The following MDGA2 variants were observed in gnomAD, a reference collection of about 807,000 sequenced individuals.
The protein encoded by MDGA2 is MAM domain-containing glycosylphosphatidylinositol anchor protein 2.
MDGA2 carries 40 observed loss-of-function variants against 117.8 expected under a neutral mutation model. That is an observed-to-expected ratio of 0.34 (90% CI 0.26 to 0.44). The LOEUF (loss-of-function observed/expected upper bound fraction) is 0.44, where lower values mean the gene tolerates loss of function less well. Among genes scored for constraint, MDGA2 ranks in the 20% least tolerant of loss-of-function variants. The pLI is 1.00. For synonymous variants in MDGA2, 452 were observed against 439.0 expected (o/e 1.03, Z -0.37); for missense variants, 1,123 against 1,250.6 (o/e 0.90, Z 1.54).
chr14:47,160,492 C>T (rs1381917239), intron 3 of MDGA2, among the ~76,000 whole-genome samples: 2 of 152,064 alleles, frequency 1.3e-5, no homozygotes, highest in Non-Finnish European at 2.9e-5. Context: ...ATAGCGAAAC[C>T]CTGCCTCTAC....
chr14:47,378,531 T>C (rs1325711243), intron 1 of MDGA2, among the ~76,000 whole-genome samples: 1 of 152,144 alleles, frequency 6.6e-6, no homozygotes, highest in African/African-American at 2.4e-5. Flanking sequence ...AATGACCTGA[T>C]AGAGCTGAAA....
At chr14:47,080,439 T>C (rs1365942641) in intron 6 of MDGA2, among the ~76,000 whole-genome samples, 1 of 152,150 alleles carries the variant, frequency 6.6e-6, no homozygotes, top group East Asian at 1.9e-4. Flanking sequence ...TATATATGAG[T>C]TAGTTTTAAA....
At chr14:47,064,923 T>C (rs1890026093) in intron 6 of MDGA2, among the ~76,000 whole-genome samples, 1 of 151,966 alleles carries the variant, frequency 6.6e-6, no homozygotes, top group Admixed American at 6.6e-5. Flanking sequence ...ATAACAGAGG[T>C]CCAATAGACT....
At chr14:47,154,855 C>T (rs1270532460) in intron 3 of MDGA2, among the ~76,000 whole-genome samples, 6 of 152,162 alleles carry the variant, frequency 3.9e-5, no homozygotes, top group African/African-American at 1.4e-4. Context: ...TGAAATCCCA[C>T]CTTCAAACCA....
At position 47,674,733 on chromosome 14, in the gene MDGA2, C is replaced by T. The variant is rs1335912769; in HGVS notation, c.64G>A (p.Gly22Arg). The change falls in exon 1 of 17, where the codon GGA (glycine) becomes AGA (arginine). Residue 22 changes from glycine to arginine, a missense_variant. Physicochemically the swap from Gly to Arg is moderately radical, Grantham distance 125. Transcript: ENST00000399232. ...ARRRRRGRTD[G>R]RRFLLRRAVP... is the part of the protein sequence containing the mutation. ...GCTCGCCGAAGGAGGAAGCGCCGTC[C>T]GTCTGTCCTTCCCCGGCGGCGGCGG... The T allele has an allele frequency of 1.3e-5, 10 of 781,094 alleles. No individual in the cohort carries two copies. Among genetic ancestry groups the T allele is most frequent in the South Asian group, 2.9e-5 (2 of 68,612 alleles). The allele number at this position is 781,094 out of a possible 1,614,324, so 48.4% of individuals were successfully genotyped here.
chr14:47,210,648 A>G (rs1040636129), intron 3 of MDGA2, among the ~76,000 whole-genome samples: 1 of 152,152 alleles, frequency 6.6e-6, no homozygotes, highest in Non-Finnish European at 1.5e-5. Flanking sequence ...ATAAGTGGCC[A>G]TTGCTTCTTA....
chr14:46,940,625 C>CA (rs10623885), intron 9 of MDGA2, among the ~76,000 whole-genome samples: 3,067 of 139,584 alleles, frequency 0.022, 108 homozygotes, highest in African/African-American at 0.071. Flanking sequence ...GAGACTGTCT[C>CA]AAAAAAAAAA....
intron 1 of MDGA2, among the ~76,000 whole-genome samples, chr14:47,534,106 G>A (rs1895157399): frequency 6.6e-6 from 1 of 152,126 alleles, no homozygotes; most frequent in Non-Finnish European, 1.5e-5. Flanking sequence ...TCCAATGGGT[G>A]AGACATGGGG....
chr14:47,459,797 T>C (rs912863603), intron 1 of MDGA2, among the ~76,000 whole-genome samples: 20 of 152,170 alleles, frequency 1.3e-4, no homozygotes, highest in African/African-American at 4.8e-4. Flanking sequence ...CGAAATGTAC[T>C]GATTTATGTG....
In MDGA2 at chr14:47,291,422, A is replaced by G. The variant is rs143339785; in HGVS notation, c.420+9989T>C. On this transcript the variant is annotated intron_variant, in intron 2 of 16. Transcript: ENST00000399232. ...ACTAGGTAAAAAATGCCATGATGTAATCAATGCAATGGACCAGTACAGATG... is the reference window on the plus strand; with the variant it reads ...ACTAGGTAAAAAATGCCATGATGTAGTCAATGCAATGGACCAGTACAGATG... Among the ~76,000 whole-genome samples the G allele has an allele frequency of 7.2e-4, 110 of 152,276 alleles. 1 individual carries two copies. The Middle Eastern group carries it at 0.031, about 42-fold the overall frequency.
At chr14:47,495,745 T>C (rs1894269263) in intron 1 of MDGA2, among the ~76,000 whole-genome samples, 1 of 152,186 alleles carries the variant, frequency 6.6e-6, no homozygotes, top group African/African-American at 2.4e-5. Flanking sequence ...TGCATGTCTA[T>C]TGAGGATGGT....
intron 1 of MDGA2, among the ~76,000 whole-genome samples, chr14:47,625,326 T>C (rs1327813001): frequency 6.6e-6 from 1 of 152,142 alleles, no homozygotes; most frequent in African/African-American, 2.4e-5. Flanking sequence ...AAAAAGTATG[T>C]CATTTAACTT....
At chr14:47,179,641 A>G (rs542721394) in intron 3 of MDGA2, among the ~76,000 whole-genome samples, 30 of 152,092 alleles carry the variant, frequency 2.0e-4, no homozygotes, top group Non-Finnish European at 4.1e-4. Context: ...AATTATATAC[A>G]CATCACATAA....
chr14:47,100,064 C>A (rs745484820), intron 5 of MDGA2, among the ~76,000 whole-genome samples: 4 of 151,886 alleles, frequency 2.6e-5, no homozygotes, highest in Non-Finnish European at 4.4e-5. Flanking sequence ...AATATCTCTA[C>A]CATTTTGACT....
chr14:47,230,500 T>C (rs1226968487), intron 2 of MDGA2, among the ~76,000 whole-genome samples: 1 of 151,988 alleles, frequency 6.6e-6, no homozygotes, highest in Non-Finnish European at 1.5e-5. Flanking sequence ...GAGTGAAACA[T>C]CTGCCCCTCT....
intron 1 of MDGA2, among the ~76,000 whole-genome samples, chr14:47,480,117 C>T (rs1442225343): frequency 1.3e-5 from 2 of 152,040 alleles, no homozygotes; most frequent in South Asian, 2.1e-4. Context: ...TTATTTCACA[C>T]CTAAGTTTTT....
At chr14:47,438,941 C>G (rs1041797302) in intron 1 of MDGA2, among the ~76,000 whole-genome samples, 1 of 152,114 alleles carries the variant, frequency 6.6e-6, no homozygotes, top group Non-Finnish European at 1.5e-5. Flanking sequence ...TGTGCCTACT[C>G]TATCTTCGCC....
intron 1 of MDGA2, among the ~76,000 whole-genome samples, chr14:47,433,326 C>T (rs1892836082): frequency 6.6e-6 from 1 of 151,940 alleles, no homozygotes; most frequent in African/African-American, 2.4e-5. Flanking sequence ...TCTGGAAACA[C>T]TAAGTATTGA....
intron 1 of MDGA2, among the ~76,000 whole-genome samples, chr14:47,659,130 C>G (rs1210780816): frequency 6.6e-6 from 1 of 152,180 alleles, no homozygotes; most frequent in Non-Finnish European, 1.5e-5. Context: ...TATCACCCTG[C>G]TATGTCAATA....
Sources: gnomAD v4.1 joint callset for allele counts (sites outside exome capture counted in the v4.1 genomes callset) on GRCh38, gnomAD v4.1.1 for gene constraint, MANE v1.5 for transcripts, NCBI Gene and HGNC (gene_info 2026-07-23, HGNC 2026-07-21) for gene names.